WDCP: variants seen among roughly 807,000 people sequenced by gnomAD.
The protein encoded by WDCP is WD repeat and coiled-coil-containing protein.
WDCP carries 19 observed loss-of-function variants against 41.6 expected under a neutral mutation model. The ratio of observed to expected loss-of-function variants is 0.46; its 90% CI spans 0.32 to 0.67. WDCP has a LOEUF of 0.67. Ranked by LOEUF, WDCP falls within the 30% of genes least tolerant of loss-of-function variation. The pLI, the probability that WDCP is intolerant of heterozygous loss-of-function variation, is 0.04. For missense variants in WDCP, 802 were observed against 850.7 expected (o/e 0.94, Z 0.71); for synonymous variants, 302 against 320.8 (o/e 0.94, Z 0.63).
At chr2:24,034,657 T>C (rs1411913081) in intron 2 of WDCP, among the ~76,000 whole-genome samples, 1 of 148,730 alleles carries the variant, frequency 6.7e-6, no homozygotes, top group East Asian at 2.1e-4. Context: ...CACTGCAGCC[T>C]CAACCTCCTC....
At chr2:24,042,311 G>A (rs1663467766) in intron 1 of WDCP, among the ~76,000 whole-genome samples, 1 of 152,040 alleles carries the variant, frequency 6.6e-6, no homozygotes, top group Non-Finnish European at 1.5e-5. Flanking sequence ...GCCGAGGCAG[G>A]CGGATCACGA....
At chr2:24,032,338 C>T (rs56392651) in intron 3 of WDCP, among the ~76,000 whole-genome samples, 15,559 of 152,142 alleles carry the variant, frequency 0.1, 908 homozygotes, top group Middle Eastern at 0.18. Flanking sequence ...CCCGTCTCTA[C>T]GAAAATACAA....
chr2:24,039,682 C>A (rs58601795), intron 1 of WDCP, among the ~76,000 whole-genome samples, 170 bp from the exon 2 acceptor site: 10,667 of 152,142 alleles, frequency 0.07, 1,231 homozygotes, highest in African/African-American at 0.24. Context: ...CAGGCAAATG[C>A]AATGTATATA....
chr2:24,044,982 T>C (rs916057681), intron 1 of WDCP, among the ~76,000 whole-genome samples: 5 of 152,254 alleles, frequency 3.3e-5, no homozygotes, highest in African/African-American at 1.2e-4. Flanking sequence ...TTTCTAAGTT[T>C]ATTCTCTGAT....
Position 24,032,912 on chromosome 2 carries a change from C to A in WDCP, c.1853G>T (p.Arg618Ile). 1 of 1,613,162 alleles carries A rather than the reference C, an allele frequency of 6.2e-7. No homozygotes were observed. Among genetic ancestry groups the A allele is most frequent in the African/African-American group, 1.3e-5 (1 of 74,996 alleles). Residue 618 changes from arginine to isoleucine, a missense_variant, in exon 3 of 4, where the codon AGA becomes ATA. Transcript: ENST00000295148. ...TTTACCATCACAGAGAAGCACCGCT[C>A]TTTTTTCAACAACAGGACCTAGATA... The part of the protein sequence containing the change: ...PYYLGPVVEK[R>I]AVLLCDGKLR...
chr2:24,037,919 T>C lies in WDCP; in HGVS notation c.1576A>G (p.Arg526Gly), dbSNP rs903262119. 3.7e-6 allele frequency: 6 copies of C among 1,614,130 alleles called. No individual in the cohort carries two copies. Among genetic ancestry groups the C allele is most frequent in the Non-Finnish European group, 5.1e-6 (6 of 1,179,994 alleles). ...EPVTQPASLP[R>G]HSSTPDHTST... ...GTGTGGTCTGGTGTGCTGCTGTGTC[T>C]GGGCAGCGATGCTGGCTGGGTAACA... Residue 526 changes from arginine to glycine, a missense_variant, in exon 2 of 4, where the codon AGA (arginine) becomes GGA (glycine). Physicochemically the swap from Arg to Gly is moderately radical, Grantham distance 125. Coordinates refer to ENST00000295148, the MANE Select transcript of WDCP (RefSeq NM_025203.3).
In WDCP at chr2:24,038,888, C is replaced by G; in HGVS notation, c.607G>C (p.Asp203His). 6.2e-7 allele frequency: 1 copy of G among 1,614,220 alleles called. No individual in the cohort carries two copies. Among genetic ancestry groups the G allele is most frequent in the African/African-American group, 1.3e-5 (1 of 75,060 alleles). ...GCTGTGATGGAGCAGACGTGGCTGT[C>G]CACATCAAACACCAGGCAGGAGGAG... ...RCSSCLVFDV[D>H]SHVCSITATV... is the part of the protein sequence containing the mutation. Residue 203 changes from aspartate (D) to histidine (H), a missense_variant, in exon 2 of 4, where the codon GAC becomes CAC. Coordinates refer to ENST00000295148, the MANE Select transcript of WDCP (RefSeq NM_025203.3).
chr2:24,033,831 T>C (rs112737627), intron 2 of WDCP, among the ~76,000 whole-genome samples: 4 of 152,228 alleles, frequency 2.6e-5, no homozygotes, highest in Admixed American at 2.0e-4. Flanking sequence ...AGTGCATGGA[T>C]TGCTTGAGCC....
chr2:24,043,131 C>T (rs930958243), intron 1 of WDCP, among the ~76,000 whole-genome samples: 25 of 151,916 alleles, frequency 1.6e-4, no homozygotes, highest in African/African-American at 5.6e-4. Context: ...GTCAGGATTT[C>T]GAGATCAGCC....
In WDCP at chr2:24,030,677, G is replaced by T; in HGVS notation, c.*256C>A. The T allele has an allele frequency of 2.4e-6, 1 of 421,298 alleles. No homozygotes were observed. Among genetic ancestry groups the T allele is most frequent in the Non-Finnish European group, 4.3e-6 (1 of 235,228 alleles). 26.1% of individuals were successfully genotyped at this position (421,298 alleles called of 1,614,324 possible). On this transcript the variant is annotated 3_prime_UTR_variant, in exon 4 of 4. Transcript: ENST00000295148. ...GCACCATAATATTGTTTTGTTCTGA[G>T]AATTCTGCCCTTAGTCAAAACCACA... is the stretch of plus-strand genomic sequence containing the variant.
At chr2:24,040,314 T>C (rs529240689) in intron 1 of WDCP, among the ~76,000 whole-genome samples, 106 of 152,356 alleles carry the variant, frequency 7.0e-4, no homozygotes, top group African/African-American at 2.3e-3. Context: ...AGAGTCTAGA[T>C]TGAGGCTATG....
rs966789035 is a variant in WDCP at position 24,042,429 on chromosome 2, G to A, written c.-18-2917C>T. The stretch of plus-strand genomic sequence containing the variant: ...CGGGCGCCTGTAGTCCCAGCTACTC[G>A]GAAGGCTGAGGCAGGAGAATGGCGT... On this transcript the variant is annotated intron_variant, in intron 1 of 3. Transcript: ENST00000295148. 8.6e-5 allele frequency among the ~76,000 whole-genome samples: 13 copies of A among 151,696 alleles called. No homozygotes were observed. The East Asian group carries it at 1.2e-3, about 14-fold the overall frequency.
chr2:24,042,894 G>T (rs1317178124), intron 1 of WDCP, among the ~76,000 whole-genome samples: 1 of 151,454 alleles, frequency 6.6e-6, no homozygotes, highest in Admixed American at 6.6e-5. Flanking sequence ...TTAGCTGGGC[G>T]TGGTGGCACA....
chr2:24,039,313 C>G lies in WDCP; in HGVS notation c.182G>C (p.Cys61Ser). 6.2e-7 allele frequency: 1 copy of G among 1,614,252 alleles called. No individual in the cohort carries two copies. Among genetic ancestry groups the G allele is most frequent in the Non-Finnish European group, 8.5e-7 (1 of 1,180,046 alleles). Residue 61 changes from cysteine to serine, a missense_variant, in exon 2 of 4, where the codon TGT becomes TCT. By Grantham distance (112) the Cys-to-Ser change is moderately radical. Coordinates refer to ENST00000295148, the MANE Select transcript of WDCP (RefSeq NM_025203.3). ...AACAGGTGGGGCCCAGGACAACCCA[C>G]AGACACATTCAAACTGTCCAATGAC... ...SKVIGQFECV[C>S]GLSWAPPVAD...
intron 1 of WDCP, among the ~76,000 whole-genome samples, chr2:24,042,964 C>CG (rs1663496307): frequency 7.1e-6 from 1 of 141,128 alleles, no homozygotes; most frequent in African/African-American, 2.7e-5. Context: ...ACCCAGGAGG[C>CG]GGAGGTTGCA....
intron 2 of WDCP, 127 bp from the exon 3 acceptor site, chr2:24,033,073 C>T (rs2150947204): frequency 5.6e-6 from 4 of 713,370 alleles, no homozygotes. Context: ...AACTGGACTT[C>T]AGTTTTAAGG....
At chr2:24,042,817 G>C (rs1240649505) in intron 1 of WDCP, among the ~76,000 whole-genome samples, 2 of 151,916 alleles carry the variant, frequency 1.3e-5, no homozygotes, top group African/African-American at 4.8e-5. Context: ...CAGATCACCT[G>C]ACCATCAGGA....
chr2:24,038,548 G>T lies in WDCP; in HGVS notation c.947C>A (p.Ser316Tyr), dbSNP rs1241131956. The change falls in exon 2 of 4, where the codon TCT becomes TAT. Residue 316 changes from serine (S) to tyrosine (Y), a missense_variant. Physicochemically the swap from Ser to Tyr is moderately radical, Grantham distance 144. Around this residue, in one of 5 missense-constraint regions of WDCP, gnomAD observed 247 missense variants for 240.5 expected, o/e 1.03. Transcript: ENST00000295148. ...KDYLTGTGQD[S>Y]SHLVLVTFKK... ...AAAGGTCACAAGGACCAAATGTGAA[G>T]AATCTTGGCCAGTTCCTGTCAAGTA... is the stretch of plus-strand genomic sequence containing the variant. 1 of 1,614,242 alleles carries T rather than the reference G, an allele frequency of 6.2e-7. No individual in the cohort carries two copies. Among genetic ancestry groups the T allele is most frequent in the East Asian group, 2.2e-5 (1 of 44,884 alleles).
chr2:24,044,295 A>T (rs1663545477), intron 1 of WDCP, among the ~76,000 whole-genome samples: 1 of 152,012 alleles, frequency 6.6e-6, no homozygotes, highest in Non-Finnish European at 1.5e-5. Context: ...GTGGGGGCAC[A>T]GTCTTGCTCC....
Sources: gnomAD v4.1 joint callset for allele counts (sites outside exome capture counted in the v4.1 genomes callset) on GRCh38, gnomAD v4.1.1 for gene constraint, gnomAD v4.1.1 regional missense constraint, MANE v1.5 for transcripts, NCBI Gene and HGNC (gene_info 2026-07-23, HGNC 2026-07-21) for gene names.